The following MARF1 variants were observed in gnomAD, a reference collection of about 807,000 sequenced individuals.
MARF1 encodes the protein limkain-b1.
Under a neutral mutation model 168.2 loss-of-function variants are expected in MARF1, and 24 were observed. That is an observed-to-expected ratio of 0.14 (90% CI 0.10 to 0.20). The LOEUF (loss-of-function observed/expected upper bound fraction) is 0.20, where lower values mean the gene tolerates loss of function less well. MARF1 is among the 10% of genes least tolerant of loss of function. The pLI, the probability that MARF1 is intolerant of heterozygous loss-of-function variation, is 1.00. For missense variants in MARF1, 1,744 were observed against 2,143.6 expected (o/e 0.81, Z 3.68); for synonymous variants, 868 against 822.4 (o/e 1.06, Z -0.95).
intron 1 of MARF1, among the ~76,000 whole-genome samples, 195 bp from the exon 2 acceptor site, chr16:15,639,486 C>T (rs35710021): frequency 0.039 from 5,892 of 152,220 alleles, 236 homozygotes; most frequent in East Asian, 0.17. Flanking sequence ...CTGCAACCTC[C>T]GTCTCCCGGG....
intron 23 of MARF1, 78 bp downstream of exon 23, chr16:15,601,913 A>G (rs777611701): frequency 1.1e-4 from 129 of 1,175,382 alleles, no homozygotes; most frequent in Non-Finnish European, 1.6e-4. Context: ...TTCTGGCAGC[A>G]TTTTATTTTT....
chr16:15,611,932 C>T (rs115629315), intron 17 of MARF1, among the ~76,000 whole-genome samples, 198 bp from the exon 18 acceptor site: 176 of 152,270 alleles, frequency 1.2e-3, no homozygotes, highest in East Asian at 4.4e-3. Context: ...AAACTCTTAT[C>T]GTTTTTGGCC....
intron 23 of MARF1, chr16:15,601,384 G>A (rs117368585): frequency 0.013 from 3,563 of 275,330 alleles, 42 homozygotes; most frequent in Admixed American, 0.021. Context: ...GCTCTACCAT[G>A]GACAGCACCA....
At position 15,639,352 on chromosome 16, in the gene MARF1, T is replaced by C. The variant is rs971370531; in HGVS notation, c.-58-61A>G. On this transcript the variant is annotated intron_variant, in intron 1 of 26. Transcript: ENST00000396368. Reference sequence around the variant, plus strand: ...TTGCATAAGTACAAATTTTACAACATACTAAAATGTGAAACCACAGCTATA... The same window carrying C: ...TTGCATAAGTACAAATTTTACAACACACTAAAATGTGAAACCACAGCTATA... 17 of 1,118,572 alleles carry C rather than the reference T, an allele frequency of 1.5e-5. No homozygotes were observed. In the African/African-American group the frequency reaches 1.7e-4, roughly 11 times the overall value. The allele number at this position is 1,118,572 out of a possible 1,614,324, so 69.3% of individuals were successfully genotyped here.
chr16:15,597,511 T>C (rs1375097400), intron 26 of MARF1, among the ~76,000 whole-genome samples: 2 of 152,214 alleles, frequency 1.3e-5, no homozygotes, highest in East Asian at 1.9e-4. Flanking sequence ...GCCATTTCTG[T>C]GGCTGAGCCA....
intron 17 of MARF1, among the ~76,000 whole-genome samples, 165 bp from the exon 18 acceptor site, chr16:15,611,899 G>T (rs116731565): frequency 6.6e-6 from 1 of 152,142 alleles, no homozygotes; most frequent in Non-Finnish European, 1.5e-5. Flanking sequence ...TGGTCAAAAG[G>T]AACAAATGTC....
At chr16:15,637,956 C>G (rs1293198184) in intron 2 of MARF1, among the ~76,000 whole-genome samples, 2 of 151,956 alleles carry the variant, frequency 1.3e-5, no homozygotes, top group African/African-American at 4.8e-5. Context: ...CACCTAAGGT[C>G]AGAAGTTCAA....
intron 3 of MARF1, chr16:15,635,294 C>A (rs567612656): frequency 2.1e-5 from 8 of 389,330 alleles, no homozygotes; most frequent in Non-Finnish European, 3.7e-5. Context: ...TGCAAAAAGA[C>A]AACATGCAGT....
rs1047738236 is a variant in MARF1 at position 15,594,745 on chromosome 16, G to C, written c.*1948C>G. ...TACATTATGAACACAATGTGCTTCC[G>C]AAGTCTTCTCTCTCATTTTCAGACA... On this transcript the variant is annotated 3_prime_UTR_variant, in exon 27 of 27. Coordinates refer to ENST00000396368, the MANE Select transcript of MARF1 (RefSeq NM_014647.4). 1 of 152,572 alleles carries C rather than the reference G, an allele frequency of 6.6e-6. No homozygotes were observed. Among genetic ancestry groups the C allele is most frequent in the Non-Finnish European group, 1.5e-5 (1 of 68,036 alleles). The allele number at this position is 152,572 out of a possible 1,614,324, so 9.5% of individuals were successfully genotyped here.
intron 16 of MARF1, among the ~76,000 whole-genome samples, chr16:15,614,057 C>A (rs1596464336): frequency 6.6e-6 from 1 of 152,280 alleles, no homozygotes; most frequent in South Asian, 2.1e-4. Context: ...AAGTCTAGGT[C>A]CAAATACCTT....
chr16:15,628,115 A>G (rs182738717), intron 7 of MARF1, among the ~76,000 whole-genome samples: 2 of 152,360 alleles, frequency 1.3e-5, no homozygotes, highest in East Asian at 3.9e-4. Flanking sequence ...CCAGCCATAC[A>G]AGTACTTTTC....
Position 15,615,918 on chromosome 16 carries a change from G to A in MARF1, c.3165C>T (p.Thr1055=). ...TGGCAATGTTTACACCTGGAACACA[G>A]GTAATGAAGTGTTCTAAGGGAACAC... ...QGGVPLEHFI[T]CVPGVNIATA... The change falls in exon 16 of 27, where the codon ACC becomes ACT. Residue 1055 remains threonine (T), a synonymous_variant. Transcript: ENST00000396368. 6.2e-7 allele frequency: 1 copy of A among 1,602,350 alleles called. No homozygotes were observed. Among genetic ancestry groups the A allele is most frequent in the Non-Finnish European group, 8.5e-7 (1 of 1,173,586 alleles).
At chr16:15,601,859 G>T in intron 23 of MARF1, 132 bp downstream of exon 23, 2 of 759,800 alleles carry the variant, frequency 2.6e-6, no homozygotes. Context: ...TAGACCAACA[G>T]TATGTTTTGA....
chr16:15,635,344 G>A (rs1324204994), intron 3 of MARF1: 9 of 432,204 alleles, frequency 2.1e-5, no homozygotes, highest in African/African-American at 4.0e-5. Flanking sequence ...TAAGCTGAAT[G>A]TAAGTTATAA....
At chr16:15,616,438 C>T (rs904370509) in intron 15 of MARF1, among the ~76,000 whole-genome samples, 17 of 152,224 alleles carry the variant, frequency 1.1e-4, no homozygotes, top group African/African-American at 3.9e-4. Context: ...ACTCTCAACA[C>T]TTGTGGAGAT....
At chr16:15,610,861 T>A in intron 19 of MARF1, 114 bp downstream of exon 19, 1 of 996,430 alleles carries the variant, frequency 1.0e-6, no homozygotes, top group South Asian at 1.5e-5. Flanking sequence ...CTGTGCTTTC[T>A]GTGGAATCTT....
intron 7 of MARF1, chr16:15,630,117 G>T (rs1378960216): frequency 2.4e-5 from 10 of 412,978 alleles, no homozygotes; most frequent in Non-Finnish European, 1.3e-5. Context: ...AATTTCATAT[G>T]ATATTTTGAA....
At chr16:15,628,107 A>G (rs557308721) in intron 7 of MARF1, among the ~76,000 whole-genome samples, 157 of 152,388 alleles carry the variant, frequency 1.0e-3, no homozygotes, top group African/African-American at 3.7e-3. Context: ...AATAAAGACC[A>G]GCCATACAAG....
chr16:15,607,689 T>C (rs1448460389), intron 21 of MARF1, among the ~76,000 whole-genome samples: 2 of 152,234 alleles, frequency 1.3e-5, no homozygotes, highest in African/African-American at 2.4e-5. Flanking sequence ...TTTCCATTCC[T>C]TCCTCCTGGC....
Sources: gnomAD v4.1 joint callset for allele counts (sites outside exome capture counted in the v4.1 genomes callset) on GRCh38, gnomAD v4.1.1 for gene constraint, MANE v1.5 for transcripts, NCBI Gene and HGNC (gene_info 2026-07-23, HGNC 2026-07-21) for gene names.